The following WWOX variants were observed in gnomAD, a reference collection of about 807,000 sequenced individuals.
WWOX encodes the protein WW domain-containing oxidoreductase.
Under a neutral mutation model 46.2 loss-of-function variants are expected in WWOX, and 69 were observed. The observed-to-expected ratio is 1.49, with a 90% CI of 1.23 to 1.82. The LOEUF is 1.82. Among genes scored for constraint, WWOX ranks in the 40% most tolerant of loss-of-function variants. WWOX has a pLI of 0.00. For synonymous variants in WWOX, 359 were observed against 202.6 expected (o/e 1.77, Z -6.56); for missense variants, 919 against 542.6 (o/e 1.69, Z -6.89).
At chr16:78,489,703 C>T (rs980502758) in intron 8 of WWOX, among the ~76,000 whole-genome samples, 1 of 152,094 alleles carries the variant, frequency 6.6e-6, no homozygotes, top group Non-Finnish European at 1.5e-5. Flanking sequence ...CTGAGCTGGG[C>T]CCTGGCATGA....
chr16:78,741,288 C>A lies in WWOX; in HGVS notation c.1056+308536C>A, dbSNP rs112030473. 2.2e-3 allele frequency among the ~76,000 whole-genome samples: 337 copies of A among 152,292 alleles called. 1 individual carries two copies. The highest frequency in any genetic ancestry group is 7.8e-3 in the African/African-American group (323 of 41,562). On this transcript the variant is annotated intron_variant, in intron 8 of 8. Transcript: ENST00000566780. ...AAAATTGCAGGATGCTGGTCAGGCG[C>A]GGTGGCTCACGCCTGTAATCCCAGC...
intron 8 of WWOX, among the ~76,000 whole-genome samples, chr16:78,761,982 A>C (rs1022096449): frequency 3.3e-5 from 5 of 152,200 alleles, no homozygotes; most frequent in African/African-American, 4.8e-5. Flanking sequence ...GAAACTGTGC[A>C]GTGAGGATGA....
intron 8 of WWOX, among the ~76,000 whole-genome samples, chr16:78,931,759 G>A (rs541815147): frequency 1.3e-4 from 20 of 152,306 alleles, no homozygotes; most frequent in African/African-American, 4.8e-4. Flanking sequence ...GGCAATTCCA[G>A]GTTAGCAGTA....
chr16:78,671,256 C>G (rs143595450), intron 8 of WWOX, among the ~76,000 whole-genome samples: 374 of 152,192 alleles, frequency 2.5e-3, no homozygotes, highest in African/African-American at 8.5e-3. Flanking sequence ...GACCCCGTCT[C>G]TACAAAAAAT....
intron 7 of WWOX, among the ~76,000 whole-genome samples, chr16:78,427,814 G>A (rs768010059): frequency 6.6e-6 from 1 of 151,580 alleles, no homozygotes; most frequent in Non-Finnish European, 1.5e-5. Flanking sequence ...AAAAAATGCA[G>A]TATAGGCCAG....
At chr16:78,985,244 G>T (rs867978512) in intron 8 of WWOX, among the ~76,000 whole-genome samples, 1 of 152,206 alleles carries the variant, frequency 6.6e-6, no homozygotes, top group African/African-American at 2.4e-5. Flanking sequence ...GGGTTTTACA[G>T]GCACAAACGC....
intron 6 of WWOX, among the ~76,000 whole-genome samples, chr16:78,409,442 A>G (rs77801657): frequency 0.03 from 4,511 of 152,110 alleles, 217 homozygotes; most frequent in African/African-American, 0.1. Flanking sequence ...CTTCTCTGCA[A>G]TGTTACATAA....
intron 8 of WWOX, among the ~76,000 whole-genome samples, chr16:78,794,755 G>C (rs1310849698): frequency 1.3e-5 from 2 of 152,246 alleles, no homozygotes; most frequent in African/African-American, 4.8e-5. Flanking sequence ...GGCTGGAGAA[G>C]ATGGAGACCC....
intron 8 of WWOX, among the ~76,000 whole-genome samples, chr16:78,892,858 A>G (rs916525292): frequency 9.2e-5 from 14 of 152,158 alleles, no homozygotes; most frequent in African/African-American, 1.4e-4. Context: ...CTGCTGTTTG[A>G]GCATGTTGGC....
At chr16:78,541,820 T>A (rs918228301) in intron 8 of WWOX, among the ~76,000 whole-genome samples, 5 of 152,086 alleles carry the variant, frequency 3.3e-5, no homozygotes, top group Admixed American at 3.3e-4. Flanking sequence ...TATGAAGTAT[T>A]AGCTTTTTAC....
At chr16:79,077,721 G>A (rs1433927632) in intron 8 of WWOX, among the ~76,000 whole-genome samples, 1 of 151,032 alleles carries the variant, frequency 6.6e-6, no homozygotes, top group Non-Finnish European at 1.5e-5. Context: ...GTGTGTTGGT[G>A]TAAGAAATAA....
intron 5 of WWOX, among the ~76,000 whole-genome samples, chr16:78,357,337 C>A (rs908775354): frequency 6.6e-6 from 1 of 152,170 alleles, no homozygotes; most frequent in Admixed American, 6.5e-5. Context: ...CAGCACCACA[C>A]AAACACACTC....
intron 8 of WWOX, among the ~76,000 whole-genome samples, chr16:78,616,721 G>A (rs1173193763): frequency 6.6e-6 from 1 of 151,982 alleles, no homozygotes; most frequent in African/African-American, 2.4e-5. Context: ...AGCTGAGATG[G>A]TGCCACTGCA....
At chr16:78,514,616 G>T (rs1295667775) in intron 8 of WWOX, among the ~76,000 whole-genome samples, 1 of 152,042 alleles carries the variant, frequency 6.6e-6, no homozygotes, top group African/African-American at 2.4e-5. Context: ...CCTGTCCCAG[G>T]GCAAGATAGC....
chr16:78,459,850 G>T (rs527793619), intron 8 of WWOX, among the ~76,000 whole-genome samples: 1 of 149,654 alleles, frequency 6.7e-6, no homozygotes, highest in South Asian at 2.1e-4. Context: ...CACCCAGGCT[G>T]CTGGAGTGCA....
chr16:78,452,865 A>ATT (rs1567582081), intron 8 of WWOX, among the ~76,000 whole-genome samples: 10 of 149,472 alleles, frequency 6.7e-5, no homozygotes, highest in African/African-American at 1.8e-4. Context: ...CCAGTGAGCT[A>ATT]TTTATATATA....
At chr16:78,285,070 A>G (rs1335049130) in intron 5 of WWOX, among the ~76,000 whole-genome samples, 1 of 152,140 alleles carries the variant, frequency 6.6e-6, no homozygotes, top group African/African-American at 2.4e-5. Context: ...CACTTCTGAA[A>G]AGGGGCAAAG....
intron 5 of WWOX, among the ~76,000 whole-genome samples, chr16:78,252,262 T>C (rs995256087): frequency 1.3e-5 from 2 of 152,212 alleles, no homozygotes; most frequent in Admixed American, 6.5e-5. Flanking sequence ...TCCTGATTTA[T>C]GCTTTATTTA....
chr16:78,703,518 C>G (rs1252907070), intron 8 of WWOX, among the ~76,000 whole-genome samples: 1 of 151,904 alleles, frequency 6.6e-6, no homozygotes, highest in East Asian at 1.9e-4. Context: ...CAGAGGGAGG[C>G]TGAAGCAGGA....
Sources: gnomAD v4.1 joint callset for allele counts (sites outside exome capture counted in the v4.1 genomes callset) on GRCh38, gnomAD v4.1.1 for gene constraint, MANE v1.5 for transcripts, NCBI Gene and HGNC (gene_info 2026-07-23, HGNC 2026-07-21) for gene names.